Variants in POLR1A observed in about 807,000 individuals in gnomAD.
POLR1A encodes the protein DNA-directed RNA polymerase I subunit RPA1.
Under a neutral mutation model 205.3 loss-of-function variants are expected in POLR1A, and 84 were observed. That is an observed-to-expected ratio of 0.41 (90% CI 0.34 to 0.49). POLR1A has a LOEUF of 0.49. POLR1A is among the 20% of genes least tolerant of loss of function. The pLI, the probability that POLR1A is intolerant of heterozygous loss-of-function variation, is 0.22. For missense variants in POLR1A, 1,645 were observed against 2,204.5 expected, an observed-to-expected ratio of 0.75 and a Z score of 5.08; for synonymous variants, 799 against 863.7, an observed-to-expected ratio of 0.93 and a Z score of 1.31.
intron 11 of POLR1A, among the ~76,000 whole-genome samples, chr2:86,076,947 T>C (rs1673296354): frequency 6.6e-6 from 1 of 152,180 alleles, no homozygotes; most frequent in African/African-American, 2.4e-5. Context: ...GGACTATGGT[T>C]CCCAAGAGGC....
chr2:86,078,329 C>T (rs1673335363), intron 9 of POLR1A, 45 bp from the exon 10 acceptor site: 2 of 1,476,476 alleles, frequency 1.4e-6, no homozygotes, highest in Non-Finnish European at 1.8e-6. Flanking sequence ...AAAAAAGCTC[C>T]AAAAGGCCTG....
At chr2:86,078,850 GAATATTTAACCAATCCTTTTTT>G (rs1673344862) in intron 9 of POLR1A, among the ~76,000 whole-genome samples, 1 of 152,202 alleles carries the variant, frequency 6.6e-6, no homozygotes, top group African/African-American at 2.4e-5. Flanking sequence ...AGTCTCATTG[GAATATTTAACCAATCCTTTTTT>G]AATATTTTTG....
At position 86,044,206 on chromosome 2, in the gene POLR1A, C is replaced by T. The variant is rs1396550632; in HGVS notation, c.3068G>A (p.Gly1023Asp). The T allele has an allele frequency of 1.2e-6, 2 of 1,614,086 alleles. No homozygotes were observed. The highest frequency in any genetic ancestry group is 1.7e-6 in the Non-Finnish European group (2 of 1,179,950). Reference sequence around the variant, plus strand: ...GAACTGTGTCTTGGGGATGTCCAGGCCATCCTCCCCATACAGGAACTGCAC... The same window carrying T: ...GAACTGTGTCTTGGGGATGTCCAGGTCATCCTCCCCATACAGGAACTGCAC... ...SVVQFLYGED[G>D]LDIPKTQFLQ... The change falls in exon 22 of 34, where the codon GGC (glycine) becomes GAC (aspartate). Residue 1023 changes from glycine to aspartate, a missense_variant. Gly to Asp is a moderately conservative substitution (Grantham distance 94, BLOSUM62 -1). Coordinates refer to ENST00000263857, the MANE Select transcript of POLR1A (RefSeq NM_015425.6).
intron 15 of POLR1A, 52 bp from the exon 16 acceptor site, chr2:86,053,052 G>A (rs771136986): frequency 7.9e-6 from 11 of 1,397,382 alleles, no homozygotes; most frequent in East Asian, 5.2e-5. Flanking sequence ...CCTCCTGTGG[G>A]AGTCACCCAC....
rs181813691 is a variant in POLR1A at position 86,029,895 on chromosome 2, C to T, written c.4779+301G>A. 3.1e-4 allele frequency among the ~76,000 whole-genome samples: 47 copies of T among 152,250 alleles called. 1 individual carries two copies. The Middle Eastern group carries it at 0.017, about 55-fold the overall frequency. On this transcript the variant is annotated intron_variant, in intron 31 of 33. Transcript: ENST00000263857. The stretch of plus-strand genomic sequence containing the variant: ...GATTACAGGTGTGAACCACCACGCC[C>T]GGCCCGAGGGTCTTAATTTCAAGGA...
intron 33 of POLR1A, 54 bp from the exon 34 acceptor site, chr2:86,027,577 T>C: frequency 1.4e-6 from 2 of 1,468,774 alleles, no homozygotes; most frequent in Non-Finnish European, 1.9e-6. Context: ...GTTGGGAATG[T>C]CATGAGGTGA....
At chr2:86,098,902 CT>C (rs1160039319) in intron 2 of POLR1A, 142 bp from the exon 3 acceptor site, 1 of 653,334 alleles carries the variant, frequency 1.5e-6, no homozygotes, top group Non-Finnish European at 2.6e-6. Flanking sequence ...TTAGAAAGGC[CT>C]TTGTTATCTT....
At chr2:86,083,218 C>G in intron 6 of POLR1A, 50 bp from the exon 7 acceptor site, 6 of 1,245,796 alleles carry the variant, frequency 4.8e-6, no homozygotes, top group Non-Finnish European at 7.1e-6. Context: ...AACAGGTACT[C>G]TTTCTGCAAT....
At chr2:86,068,454 A>G (rs902846644) in intron 13 of POLR1A, among the ~76,000 whole-genome samples, 2 of 140,268 alleles carry the variant, frequency 1.4e-5, no homozygotes, top group Non-Finnish European at 3.0e-5. Context: ...TGGCTGACAT[A>G]TTACTCACTT....
Position 86,039,329 on chromosome 2 carries a change from C to G in POLR1A, c.3874G>C (p.Glu1292Gln). The G allele has an allele frequency of 6.2e-7, 1 of 1,613,752 alleles. No homozygotes were observed. The highest frequency in any genetic ancestry group is 8.5e-7 in the Non-Finnish European group (1 of 1,179,946). Residue 1292 changes from glutamate to glutamine, a missense_variant and splice_region_variant, in exon 26 of 34, where the codon GAG becomes CAG. Physicochemically the swap from Glu to Gln is conservative, Grantham distance 29. Transcript: ENST00000263857. Reference protein sequence around the residue: ...KKQLTRVCLGEVLQKIDVQES... With the variant: ...KKQLTRVCLGQVLQKIDVQES... ...AACCTGGGAAGGAGAGACGTTACCTCCCCCAAGCACACCCTGGTGAGTTGC... is the reference window on the plus strand; with the variant it reads ...AACCTGGGAAGGAGAGACGTTACCTGCCCCAAGCACACCCTGGTGAGTTGC...
At chr2:86,080,474 C>T (rs938570331) in intron 9 of POLR1A, among the ~76,000 whole-genome samples, 2 of 152,144 alleles carry the variant, frequency 1.3e-5, no homozygotes, top group East Asian at 1.9e-4. Flanking sequence ...TCTAGAGCTG[C>T]GAGAGCTGGT....
At chr2:86,083,011 G>A in intron 7 of POLR1A, 71 bp downstream of exon 7, 1 of 1,120,180 alleles carries the variant, frequency 8.9e-7, no homozygotes, top group Non-Finnish European at 1.4e-6. Flanking sequence ...AAGTAATAAG[G>A]CAGGGTTAAT....
chr2:86,071,350 G>A (rs1176642881), intron 12 of POLR1A, among the ~76,000 whole-genome samples: 1 of 151,930 alleles, frequency 6.6e-6, no homozygotes, highest in African/African-American at 2.4e-5. Flanking sequence ...GAGTATAGTG[G>A]TACAATCATG....
chr2:86,078,003 TA>T, intron 10 of POLR1A, 22 bp from the exon 11 acceptor site: 1 of 1,613,772 alleles, frequency 6.2e-7, no homozygotes, highest in South Asian at 1.1e-5. Context: ...AAAAAGGTCA[TA>T]AAAAACATTC....
chr2:86,031,174 A>G (rs1489101352), intron 30 of POLR1A, among the ~76,000 whole-genome samples, 156 bp downstream of exon 30: 1 of 152,170 alleles, frequency 6.6e-6, no homozygotes, highest in East Asian at 1.9e-4. Context: ...CGCAGGCCCC[A>G]AACAGGAGGC....
intron 29 of POLR1A, 112 bp from the exon 30 acceptor site, chr2:86,031,747 C>T: frequency 7.1e-7 from 1 of 1,405,860 alleles, no homozygotes; most frequent in Non-Finnish European, 9.7e-7. Flanking sequence ...GCTACCTAGG[C>T]CCCACCTGCT....
rs1167388185 is a variant in POLR1A at position 86,070,799 on chromosome 2, CTTAG to C, written c.1612-531_1612-528del. On this transcript the variant is annotated intron_variant, in intron 12 of 33. Coordinates refer to ENST00000263857, the MANE Select transcript of POLR1A (RefSeq NM_015425.6). This position sits in a 1 kb window ranked among gnomAD's most constrained non-coding sequence, Gnocchi z 4.4. Reference sequence around the variant, plus strand: ...CATATAGCAGAGCCAGAAAAGGGTTCTTAGTTAGTTCAATGCCCTCAGAGAACAC... The same window carrying C: ...CATATAGCAGAGCCAGAAAAGGGTTCTTAGTTCAATGCCCTCAGAGAACAC... Among the ~76,000 whole-genome samples the C allele has an allele frequency of 5.9e-5, 9 of 151,586 alleles. No individual in the cohort carries two copies. Among genetic ancestry groups the C allele is most frequent in the South Asian group, 2.1e-4 (1 of 4,806 alleles).
At chr2:86,032,460 CCCAT>C (rs1209314066) in intron 28 of POLR1A, 78 bp from the exon 29 acceptor site, 98 of 1,033,636 alleles carry the variant, frequency 9.5e-5, no homozygotes, top group Non-Finnish European at 1.2e-4. Context: ...CACCCACCAA[CCCAT>C]CCATCCATCC....
At chr2:86,100,588 T>C (rs1435957877) in intron 1 of POLR1A, among the ~76,000 whole-genome samples, 2 of 151,568 alleles carry the variant, frequency 1.3e-5, no homozygotes, top group African/African-American at 4.9e-5. Context: ...GGCTAGAGTG[T>C]AGTGGTGCAA....
Sources: gnomAD v4.1 joint callset for allele counts (sites outside exome capture counted in the v4.1 genomes callset) on GRCh38, gnomAD v4.1.1 for gene constraint, Gnocchi (gnomAD v3.1) non-coding constraint, MANE v1.5 for transcripts, NCBI Gene and HGNC (gene_info 2026-07-23, HGNC 2026-07-21) for gene names.